The following CHCHD3 variants were observed in gnomAD, a reference collection of about 807,000 sequenced individuals.
The protein encoded by CHCHD3 is coiled-coil-helix-coiled-coil-helix domain containing 3, also known as MICOS complex subunit MIC19.
In CHCHD3, 20 loss-of-function variants were observed where a neutral mutation model predicts 38.2. The ratio of observed to expected loss-of-function variants is 0.52; its 90% confidence interval spans 0.37 to 0.76. The LOEUF is 0.76. Among genes scored for constraint, CHCHD3 ranks in the 30% least tolerant of loss-of-function variants. The pLI, the probability that CHCHD3 is intolerant of heterozygous loss-of-function variation, is 0.00. For missense variants in CHCHD3, 245 were observed against 279.2 expected (o/e 0.88, Z 0.87); for synonymous variants, 82 against 100.0 (o/e 0.82, Z 1.07).
At chr7:132,904,252 A>T (rs1452219174) in intron 4 of CHCHD3, among the ~76,000 whole-genome samples, 2 of 151,474 alleles carry the variant, frequency 1.3e-5, no homozygotes, top group East Asian at 3.9e-4. Context: ...ACACAGCAAG[A>T]CTTTGTGTCT....
chr7:132,921,521 A>G (rs1810262611), intron 4 of CHCHD3, among the ~76,000 whole-genome samples: 1 of 152,148 alleles, frequency 6.6e-6, no homozygotes, highest in South Asian at 2.1e-4. Context: ...AATAAACCCA[A>G]TATTTATTTG....
At chr7:132,898,743 C>T (rs1236802378) in intron 4 of CHCHD3, among the ~76,000 whole-genome samples, 1 of 152,258 alleles carries the variant, frequency 6.6e-6, no homozygotes, top group African/African-American at 2.4e-5. Flanking sequence ...GGTCCCGAGC[C>T]TTGCCCCACG....
At chr7:132,981,276 G>T (rs956843392) in intron 3 of CHCHD3, among the ~76,000 whole-genome samples, 2 of 152,042 alleles carry the variant, frequency 1.3e-5, no homozygotes, top group Admixed American at 1.3e-4. Context: ...CTCCCAAAGT[G>T]CTGAGATTAC....
intron 2 of CHCHD3, among the ~76,000 whole-genome samples, chr7:133,065,444 T>C (rs1814641870): frequency 3.9e-5 from 6 of 152,176 alleles, no homozygotes; most frequent in Admixed American, 3.9e-4. Context: ...TATACAGAAA[T>C]CCTAGGGCTC....
chr7:133,008,069 C>A (rs1425337110), intron 3 of CHCHD3, among the ~76,000 whole-genome samples: 1 of 152,040 alleles, frequency 6.6e-6, no homozygotes, highest in African/African-American at 2.4e-5. Flanking sequence ...CTGTTTCTTT[C>A]CTAATGGAAA....
At chr7:132,935,738 T>C (rs1810618533) in intron 4 of CHCHD3, among the ~76,000 whole-genome samples, 1 of 152,126 alleles carries the variant, frequency 6.6e-6, no homozygotes, top group Admixed American at 6.6e-5. Context: ...TATCATAGGG[T>C]GTTTAGTCAA....
At chr7:132,917,858 CA>C (rs33977058) in intron 4 of CHCHD3, among the ~76,000 whole-genome samples, 9 of 93,030 alleles carry the variant, frequency 9.7e-5, no homozygotes, top group East Asian at 3.4e-4. Flanking sequence ...GACTCCATCT[CA>C]AAAAAAAAAA....
intron 1 of CHCHD3, among the ~76,000 whole-genome samples, chr7:133,076,867 A>G (rs1465685586): frequency 1.3e-5 from 2 of 152,226 alleles, no homozygotes; most frequent in Non-Finnish European, 2.9e-5. Flanking sequence ...CCATTAGTTT[A>G]TCTTATCTTC....
chr7:132,807,178 G>A (rs1368091087), intron 6 of CHCHD3, among the ~76,000 whole-genome samples: 1 of 152,198 alleles, frequency 6.6e-6, no homozygotes, highest in Non-Finnish European at 1.5e-5. Flanking sequence ...CAGAGACGGA[G>A]TATGAACTTG....
intron 4 of CHCHD3, chr7:132,973,769 G>C (rs1811671584): frequency 2.8e-6 from 3 of 1,068,498 alleles, no homozygotes; most frequent in East Asian, 1.7e-4. Flanking sequence ...TAAAGAATGG[G>C]AGAGACTAGA....
intron 6 of CHCHD3, among the ~76,000 whole-genome samples, chr7:132,834,962 T>G (rs527955080): frequency 2.4e-3 from 356 of 150,308 alleles, no homozygotes; most frequent in African/African-American, 8.3e-3. Flanking sequence ...ATTTATTTAT[T>G]TATTTATTTA....
At chr7:132,908,981 G>C (rs1162966181) in intron 4 of CHCHD3, among the ~76,000 whole-genome samples, 2 of 152,072 alleles carry the variant, frequency 1.3e-5, no homozygotes, top group Non-Finnish European at 1.5e-5. Flanking sequence ...GTTGTGAGAG[G>C]GACCCGGTAA....
chr7:133,071,144 CTT>C (rs991911463), intron 1 of CHCHD3, among the ~76,000 whole-genome samples: 11 of 152,156 alleles, frequency 7.2e-5, no homozygotes, highest in Admixed American at 2.0e-4. Context: ...TCGCGTCATC[CTT>C]TTTTATTTTC....
chr7:132,958,271 T>C (rs71535711), intron 4 of CHCHD3, among the ~76,000 whole-genome samples: 1 of 152,238 alleles, frequency 6.6e-6, no homozygotes, highest in Admixed American at 6.5e-5. Context: ...TTTCTTTCTA[T>C]ACATGTATTC....
chr7:132,871,585 A>G (rs2117150559), intron 5 of CHCHD3, among the ~76,000 whole-genome samples: 1 of 152,338 alleles, frequency 6.6e-6, no homozygotes, highest in African/African-American at 2.4e-5. Context: ...CCCCTCAGTC[A>G]GTGCTACTCC....
rs1020932812 is a variant in CHCHD3 at position 132,878,891 on chromosome 7, A to G, written c.453+6771T>C. On this transcript the variant is annotated intron_variant, in intron 5 of 7. Coordinates refer to ENST00000262570, the MANE Select transcript of CHCHD3 (RefSeq NM_017812.4). ...ATAGGTTGATATGACAGTTAGAGACAGGGTTCAGAAGTCTAGTTTCTGATA... is the reference window on the plus strand; with the variant it reads ...ATAGGTTGATATGACAGTTAGAGACGGGGTTCAGAAGTCTAGTTTCTGATA... 2.6e-5 allele frequency among the ~76,000 whole-genome samples: 4 copies of G among 152,328 alleles called. 1 individual carries two copies. In the Middle Eastern group the frequency reaches 0.01, roughly 389 times the overall value.
chr7:132,917,732 G>T (rs898482737), intron 4 of CHCHD3, among the ~76,000 whole-genome samples: 3 of 151,760 alleles, frequency 2.0e-5, no homozygotes, highest in Admixed American at 6.6e-5. Context: ...GTTGGCGGGC[G>T]CCTGTAGTCC....
intron 2 of CHCHD3, among the ~76,000 whole-genome samples, chr7:133,036,762 A>G (rs1813689745): frequency 6.6e-6 from 1 of 152,240 alleles, no homozygotes; most frequent in South Asian, 2.1e-4. Flanking sequence ...TTACATAAAC[A>G]GAATGAAACT....
In CHCHD3 at chr7:132,785,410, A is replaced by G; in HGVS notation, c.*227T>C. 1.7e-6 allele frequency: 1 copy of G among 591,702 alleles called. No homozygotes were observed. The highest frequency in any genetic ancestry group is 2.1e-5 in the South Asian group (1 of 47,024). The allele number at this position is 591,702 out of a possible 1,614,324, so 36.7% of individuals were successfully genotyped here. On this transcript the variant is annotated 3_prime_UTR_variant, in exon 8 of 8. Coordinates refer to ENST00000262570, the MANE Select transcript of CHCHD3 (RefSeq NM_017812.4). ...TTAATCATCATAAGAGGGTTTACTA[A>G]TACTCAAGAGTGTCCTTTAATGACT...
Sources: allele counts gnomAD v4.1 joint callset (sites outside exome capture counted in the v4.1 genomes callset), GRCh38; gene constraint gnomAD v4.1.1; transcripts MANE v1.5; gene names NCBI Gene and HGNC (gene_info 2026-07-23, HGNC 2026-07-21).